The following GPC5 variants were observed in gnomAD, a reference collection of about 807,000 sequenced individuals.
GPC5 encodes the protein glypican 5.
GPC5 carries 47 observed loss-of-function variants against 53.9 expected under a neutral mutation model. The observed-to-expected ratio is 0.87, with a 90% CI of 0.69 to 1.11. The LOEUF is 1.11. Among genes scored for constraint, GPC5 ranks in the 50% most tolerant of loss-of-function variants. GPC5 has a pLI of 0.00. For missense variants in GPC5, 748 were observed against 713.1 expected (o/e 1.05, Z -0.56); for synonymous variants, 286 against 263.3 (o/e 1.09, Z -0.84).
chr13:91,810,938 CAAA>C (rs35192534), intron 5 of GPC5, among the ~76,000 whole-genome samples: 19 of 105,766 alleles, frequency 1.8e-4, no homozygotes, highest in Non-Finnish European at 2.5e-4. Flanking sequence ...TTTGTGTAAC[CAAA>C]AAAAAAAAAA....
chr13:92,607,170 AT>A (rs1283947478), intron 7 of GPC5, among the ~76,000 whole-genome samples: 1 of 152,164 alleles, frequency 6.6e-6, no homozygotes, highest in East Asian at 1.9e-4. Flanking sequence ...ATCTAATAAG[AT>A]TTGGTAAAAA....
At chr13:91,434,066 A>C (rs954481700) in intron 1 of GPC5, among the ~76,000 whole-genome samples, 3 of 151,898 alleles carry the variant, frequency 2.0e-5, no homozygotes, top group African/African-American at 7.3e-5. Context: ...TTTTCTTGTA[A>C]ATTTGTTGGA....
intron 7 of GPC5, among the ~76,000 whole-genome samples, chr13:92,591,076 A>G (rs766328949): frequency 2.0e-5 from 3 of 152,232 alleles, no homozygotes; most frequent in Non-Finnish European, 4.4e-5. Context: ...ATGTAAGATT[A>G]TTAAAATAAC....
chr13:91,562,669 T>G (rs973964066), intron 2 of GPC5, among the ~76,000 whole-genome samples: 5 of 150,272 alleles, frequency 3.3e-5, no homozygotes, highest in African/African-American at 1.2e-4. Context: ...ATCCACCTGC[T>G]GTGGCCTCCA....
At chr13:92,235,944 T>C (rs913331687) in intron 7 of GPC5, among the ~76,000 whole-genome samples, 9 of 152,136 alleles carry the variant, frequency 5.9e-5, no homozygotes, top group African/African-American at 2.2e-4. Context: ...AGCTTTTTCC[T>C]TTGAAACATT....
At chr13:92,249,798 G>GA (rs1480306638) in intron 7 of GPC5, among the ~76,000 whole-genome samples, 1 of 151,984 alleles carries the variant, frequency 6.6e-6, no homozygotes, top group Non-Finnish European at 1.5e-5. Context: ...TATTCCACCT[G>GA]AAAAAATTAT....
At position 91,791,911 on chromosome 13, in the gene GPC5, C is replaced by T. The variant is rs150003473; in HGVS notation, c.1280+35491C>T. ...GAAAAATAAATAGTTGGTTAAAATA[C>T]GTATGTATATTCATAACGCTAATAT... On this transcript the variant is annotated intron_variant, in intron 5 of 7. Coordinates refer to ENST00000377067, the MANE Select transcript of GPC5 (RefSeq NM_004466.6). Among the ~76,000 whole-genome samples, 62 of 152,238 alleles carry T rather than the reference C, an allele frequency of 4.1e-4. No individual in the cohort carries two copies. In the East Asian group the frequency reaches 8.7e-3, roughly 21 times the overall value.
intron 7 of GPC5, chr13:92,658,894 T>C (rs1886227542): frequency 1.3e-5 from 2 of 150,550 alleles, no homozygotes; most frequent in Admixed American, 6.6e-5. Flanking sequence ...TACTGAGATA[T>C]AATTGACAAA....
At chr13:92,590,349 G>A (rs568823035) in intron 7 of GPC5, among the ~76,000 whole-genome samples, 44 of 152,180 alleles carry the variant, frequency 2.9e-4, no homozygotes, top group South Asian at 6.2e-4. Context: ...GGCTGTGTGA[G>A]GACAGTTTAT....
At chr13:92,319,088 A>G (rs1046607337) in intron 7 of GPC5, among the ~76,000 whole-genome samples, 1 of 152,142 alleles carries the variant, frequency 6.6e-6, no homozygotes, top group Non-Finnish European at 1.5e-5. Flanking sequence ...TGGTGGGATG[A>G]AGGGTGGAAA....
rs148001330 is a variant in GPC5 at position 92,124,812 on chromosome 13, C to T, written c.1402-20018C>T. ...AAGTATTTTAAGGAGAGAAAAATAA[C>T]ATAATAGAAGAAAGTAATAATTATC... On this transcript the variant is annotated intron_variant, in intron 6 of 7. Transcript: ENST00000377067. 1.6e-4 allele frequency among the ~76,000 whole-genome samples: 25 copies of T among 152,230 alleles called. No individual in the cohort carries two copies. In the East Asian group the frequency reaches 4.3e-3, roughly 26 times the overall value.
intron 6 of GPC5, among the ~76,000 whole-genome samples, chr13:92,035,767 A>C (rs568368989): frequency 7.0e-6 from 1 of 143,434 alleles, no homozygotes; most frequent in South Asian, 2.2e-4. Flanking sequence ...AAAAAAAAAA[A>C]CAAAAAAAAC....
intron 2 of GPC5, among the ~76,000 whole-genome samples, chr13:91,565,795 C>A (rs1410712647): frequency 6.6e-6 from 1 of 152,164 alleles, no homozygotes; most frequent in Non-Finnish European, 1.5e-5. Flanking sequence ...GAAATTTATT[C>A]TTTCATGATT....
chr13:92,797,364 A>C (rs942454918), intron 7 of GPC5, among the ~76,000 whole-genome samples: 7 of 151,800 alleles, frequency 4.6e-5, no homozygotes, highest in Non-Finnish European at 8.8e-5. Flanking sequence ...ATCCCCATTA[A>C]CCTGTTTCTT....
At chr13:92,585,372 C>T (rs944607483) in intron 7 of GPC5, among the ~76,000 whole-genome samples, 1 of 152,194 alleles carries the variant, frequency 6.6e-6, no homozygotes, top group African/African-American at 2.4e-5. Context: ...GATTTGACTG[C>T]TTTGCTGGAA....
chr13:91,481,410 C>T (rs1018881728), intron 2 of GPC5, among the ~76,000 whole-genome samples: 50 of 152,140 alleles, frequency 3.3e-4, no homozygotes, highest in African/African-American at 1.2e-3. Context: ...AAAATATTTT[C>T]CCTCTCCATT....
At chr13:92,406,798 A>G (rs1299643454) in intron 7 of GPC5, among the ~76,000 whole-genome samples, 3 of 152,218 alleles carry the variant, frequency 2.0e-5, no homozygotes, top group Non-Finnish European at 4.4e-5. Context: ...AGTCAGGTGA[A>G]TATAAAATTC....
At chr13:92,289,207 C>T (rs1019647621) in intron 7 of GPC5, among the ~76,000 whole-genome samples, 2 of 151,942 alleles carry the variant, frequency 1.3e-5, no homozygotes, top group Admixed American at 6.6e-5. Context: ...CATTGGAAGA[C>T]TCCTTGGTAG....
chr13:92,775,790 T>G (rs1240173426), intron 7 of GPC5, among the ~76,000 whole-genome samples: 1 of 152,212 alleles, frequency 6.6e-6, no homozygotes, highest in Non-Finnish European at 1.5e-5. Context: ...ACAGTCCTGC[T>G]TTAAAAACAT....
Sources: allele counts gnomAD v4.1 joint callset (sites outside exome capture counted in the v4.1 genomes callset), GRCh38; gene constraint gnomAD v4.1.1; transcripts MANE v1.5; gene names NCBI Gene and HGNC (gene_info 2026-07-23, HGNC 2026-07-21).